The following TCF4 variants were observed in gnomAD, a reference collection of about 807,000 sequenced individuals.
The protein encoded by TCF4 is transcription factor 4.
Under a neutral mutation model 82.1 loss-of-function variants are expected in TCF4, and 3 were observed. The ratio of observed to expected loss-of-function variants is 0.04; its 90% CI spans 0.02 to 0.09. The LOEUF (loss-of-function observed/expected upper bound fraction) is 0.09. Among genes scored for constraint, TCF4 ranks in the 10% least tolerant of loss-of-function variants. The pLI is 1.00. For missense variants in TCF4, 518 were observed against 852.7 expected, an observed-to-expected ratio of 0.61 and a Z score of 4.89; for synonymous variants, 276 against 309.6, an observed-to-expected ratio of 0.89 and a Z score of 1.14.
At chr18:55,354,288 C>T (rs1318637639) in intron 6 of TCF4, among the ~76,000 whole-genome samples, 1 of 152,164 alleles carries the variant, frequency 6.6e-6, no homozygotes, top group African/African-American at 2.4e-5. Context: ...CATTCAAATC[C>T]CCAAATACAG....
chr18:55,621,623 T>TA (rs1269850512), intron 2 of TCF4, among the ~76,000 whole-genome samples: 16 of 73,458 alleles, frequency 2.2e-4, no homozygotes, highest in African/African-American at 7.3e-4. Flanking sequence ...TAATATTATA[T>TA]ATAATATATA....
At chr18:55,535,583 C>A (rs541030210) in intron 3 of TCF4, among the ~76,000 whole-genome samples, 1 of 152,288 alleles carries the variant, frequency 6.6e-6, no homozygotes, top group East Asian at 1.9e-4. Flanking sequence ...GTGAACTCTA[C>A]TGGATCAATT....
intron 8 of TCF4, among the ~76,000 whole-genome samples, chr18:55,293,891 T>C (rs887913840): frequency 6.8e-6 from 1 of 148,008 alleles, no homozygotes; most frequent in Non-Finnish European, 1.5e-5. Flanking sequence ...ATGAGCTCAA[T>C]TTTCATTAAA....
intron 5 of TCF4, among the ~76,000 whole-genome samples, chr18:55,459,321 A>G (rs2095828857): frequency 6.6e-6 from 1 of 152,226 alleles, no homozygotes. Flanking sequence ...CCATGAGGAA[A>G]CATGAACAGA....
At chr18:55,632,303 G>T (rs542659169) in intron 1 of TCF4, among the ~76,000 whole-genome samples, 8 of 152,310 alleles carry the variant, frequency 5.3e-5, no homozygotes, top group African/African-American at 1.9e-4. Context: ...CTCCCAAAGT[G>T]CTGGGATTAC....
rs1005533872 is a variant in TCF4 at position 55,224,007 on chromosome 18, C to G, written c.*4028G>C. 6.6e-6 allele frequency: 1 copy of G among 151,292 alleles called. No homozygotes were observed. Among genetic ancestry groups the G allele is most frequent in the Non-Finnish European group, 1.5e-5 (1 of 67,848 alleles). 9.4% of individuals were successfully genotyped at this position (151,292 alleles called of 1,614,324 possible). A position where few individuals can be genotyped will look rare whatever the true frequency, so the allele number is the denominator to read the frequency against. The stretch of plus-strand genomic sequence containing the variant: ...TAATATTCATGGTATAAAAGGATTG[C>G]TCCTGCGAAAAATAAGCCAAATATA... On this transcript the variant is annotated 3_prime_UTR_variant, in exon 20 of 20. Transcript: ENST00000354452.
At chr18:55,289,091 T>C (rs766470187) in intron 8 of TCF4, among the ~76,000 whole-genome samples, 1 of 152,212 alleles carries the variant, frequency 6.6e-6, no homozygotes, top group East Asian at 1.9e-4. Context: ...GCCAACATTA[T>C]GAGTACCTTG....
chr18:55,268,173 T>C (rs1308775760), intron 11 of TCF4: 1 of 152,104 alleles, frequency 6.6e-6, no homozygotes, highest in Non-Finnish European at 1.5e-5. Context: ...CCTAAGTATG[T>C]TTTCCTCAAC....
intron 19 of TCF4, 50 bp downstream of exon 19, chr18:55,228,171 G>A: frequency 6.2e-7 from 1 of 1,610,926 alleles, no homozygotes; most frequent in Admixed American, 1.7e-5. Context: ...CTGATACACT[G>A]ATGAGAGTTT....
intron 3 of TCF4, among the ~76,000 whole-genome samples, chr18:55,489,013 T>C (rs1218372957): frequency 6.6e-6 from 1 of 152,108 alleles, no homozygotes; most frequent in South Asian, 2.1e-4. Context: ...TTCATACAAA[T>C]ACGAATCCCA....
intron 3 of TCF4, among the ~76,000 whole-genome samples, chr18:55,485,323 G>T (rs1016821587): frequency 6.6e-6 from 1 of 152,100 alleles, no homozygotes; most frequent in Admixed American, 6.5e-5. Flanking sequence ...ATAAACAGTA[G>T]ATCTCCCCCT....
chr18:55,612,351 A>C lies in TCF4; in HGVS notation c.286+18947T>G, dbSNP rs148155801. Among the ~76,000 whole-genome samples, 3 of 152,268 alleles carry C rather than the reference A, an allele frequency of 2.0e-5. No individual in the cohort carries two copies. In the East Asian group the frequency reaches 5.8e-4, roughly 29 times the overall value. On this transcript the variant is annotated intron_variant, in intron 2 of 20. Coordinates refer to the TCF4 transcript ENST00000398339. ...GAAATGCTTGAGGACCAACGTAATG[A>C]AGTGAGGTCTATCTTTTATTTTATT... is the stretch of plus-strand genomic sequence containing the variant.
At chr18:55,370,416 A>G (rs1390378812) in intron 6 of TCF4, among the ~76,000 whole-genome samples, 1 of 148,828 alleles carries the variant, frequency 6.7e-6, no homozygotes, top group Non-Finnish European at 1.5e-5. Context: ...GTATGTAGAT[A>G]GATAGACAGA....
At chr18:55,243,099 T>C (rs1307860517) in intron 15 of TCF4, among the ~76,000 whole-genome samples, 3 of 152,200 alleles carry the variant, frequency 2.0e-5, no homozygotes, top group African/African-American at 7.2e-5. Context: ...AATTTTGATA[T>C]AGATTATCCA....
At chr18:55,413,074 A>T (rs975017382) in intron 5 of TCF4, among the ~76,000 whole-genome samples, 5 of 152,212 alleles carry the variant, frequency 3.3e-5, no homozygotes, top group Non-Finnish European at 7.3e-5. Flanking sequence ...AACAATGTTC[A>T]TCTCTTAAAC....
intron 8 of TCF4, among the ~76,000 whole-genome samples, chr18:55,303,220 AGTAC>A: frequency 8.4e-6 from 1 of 118,942 alleles, no homozygotes; most frequent in African/African-American, 3.3e-5. Context: ...CCTGGCTCCC[AGTAC>A]GTACACACAC....
intron 6 of TCF4, among the ~76,000 whole-genome samples, chr18:55,370,585 C>G (rs553329266): frequency 6.6e-6 from 1 of 152,014 alleles, no homozygotes; most frequent in African/African-American, 2.4e-5. Flanking sequence ...CAAAATGGGC[C>G]GCTCACCATG....
intron 8 of TCF4, among the ~76,000 whole-genome samples, chr18:55,285,990 C>T (rs1209422688): frequency 6.6e-6 from 1 of 152,202 alleles, no homozygotes; most frequent in African/African-American, 2.4e-5. Flanking sequence ...TTCTAACCAT[C>T]TGCCAAAATA....
intron 3 of TCF4, among the ~76,000 whole-genome samples, chr18:55,582,475 C>G (rs1025078546): frequency 6.6e-6 from 1 of 152,054 alleles, no homozygotes; most frequent in African/African-American, 2.4e-5. Flanking sequence ...ACTGCTAGTC[C>G]TTTCCTGGGT....
Sources: gnomAD v4.1 joint callset for allele counts (sites outside exome capture counted in the v4.1 genomes callset) on GRCh38, gnomAD v4.1.1 for gene constraint, MANE v1.5 for transcripts, NCBI Gene and HGNC (gene_info 2026-07-23, HGNC 2026-07-21) for gene names.